Variants in CSMD1 observed in about 807,000 individuals in gnomAD.
CSMD1 encodes CUB and sushi domain-containing protein 1.
CSMD1 carries 213 observed loss-of-function variants against 417.5 expected under a neutral mutation model. The observed-to-expected ratio is 0.51, with a 90% CI of 0.46 to 0.57. The LOEUF (loss-of-function observed/expected upper bound fraction) is 0.57, where lower values mean the gene tolerates loss of function less well. Ranked by LOEUF, CSMD1 falls within the 20% of genes least tolerant of loss-of-function variation. The probability of loss-of-function intolerance (pLI) is 0.00; values close to 1 mark genes in which losing one functional copy is unlikely to be tolerated. For synonymous variants in CSMD1, 2,862 were observed against 1,736.8 expected (o/e 1.65, Z -16.11); for missense variants, 6,923 against 4,529.7 (o/e 1.53, Z -15.17).
chr8:4,917,262 C>G (rs1806127057), intron 1 of CSMD1, among the ~76,000 whole-genome samples: 1 of 152,144 alleles, frequency 6.6e-6, no homozygotes, highest in South Asian at 2.1e-4. Context: ...GGGGATGGTT[C>G]TAAACCATTA....
At chr8:3,443,078 G>A (rs1815092044) in intron 12 of CSMD1, among the ~76,000 whole-genome samples, 1 of 152,038 alleles carries the variant, frequency 6.6e-6, no homozygotes, top group South Asian at 2.1e-4. Flanking sequence ...ATCAAATCAA[G>A]GCCATGGACT....
chr8:3,723,708 G>A (rs1389749167), intron 6 of CSMD1, among the ~76,000 whole-genome samples: 1 of 152,228 alleles, frequency 6.6e-6, no homozygotes, highest in South Asian at 2.1e-4. Context: ...TAACACGTGT[G>A]CTTTTTTACT....
intron 3 of CSMD1, among the ~76,000 whole-genome samples, chr8:4,082,427 C>T (rs368191812): frequency 7.2e-5 from 11 of 152,012 alleles, no homozygotes; most frequent in Admixed American, 7.2e-4. Context: ...TTTAAGAAAT[C>T]TTTTGAAAAT....
intron 15 of CSMD1, among the ~76,000 whole-genome samples, chr8:3,403,836 GAAAACCTACCCATTT>G (rs1225431046): frequency 1.3e-5 from 2 of 152,130 alleles, no homozygotes; most frequent in East Asian, 3.8e-4. Context: ...TATAAAAGAT[GAAAACCTACCCATTT>G]ATTAACATTT....
At chr8:4,419,820 C>A in intron 3 of CSMD1, 133 bp downstream of exon 3, 1 of 592,148 alleles carries the variant, frequency 1.7e-6, no homozygotes. Flanking sequence ...CATTGCATTA[C>A]ACAGAAGCCA....
intron 15 of CSMD1, among the ~76,000 whole-genome samples, chr8:3,401,915 C>A (rs1324812935): frequency 6.6e-6 from 1 of 151,528 alleles, no homozygotes; most frequent in East Asian, 1.9e-4. Flanking sequence ...AGCAAATATA[C>A]CAATGAGCCA....
rs142375775 is a variant in CSMD1, at chr8:4,424,612, T to C, written c.303-4547A>G. On this transcript the variant is annotated intron_variant, in intron 2 of 69. Coordinates refer to ENST00000635120, the MANE Select transcript of CSMD1 (RefSeq NM_033225.6). Reference sequence around the variant, plus strand: ...TTATACTGCTGGTGGAAATATAAAATGGTACAGCCATTTTCTGTAGAAAAC... The same window carrying C: ...TTATACTGCTGGTGGAAATATAAAACGGTACAGCCATTTTCTGTAGAAAAC... Among the ~76,000 whole-genome samples, 525 of 152,138 alleles carry C rather than the reference T, an allele frequency of 3.5e-3. 3 individuals are homozygous for C. The highest frequency in any genetic ancestry group is 0.014 in the Middle Eastern group (4 of 292).
intron 3 of CSMD1, among the ~76,000 whole-genome samples, chr8:4,069,758 C>G (rs1267915231): frequency 2.6e-5 from 4 of 152,162 alleles, no homozygotes; most frequent in Non-Finnish European, 5.9e-5. Flanking sequence ...GTCTACTTCA[C>G]CTTTATCTTC....
intron 1 of CSMD1, among the ~76,000 whole-genome samples, chr8:4,855,563 G>C (rs1051054236): frequency 1.8e-4 from 27 of 152,234 alleles, no homozygotes; most frequent in African/African-American, 6.3e-4. Context: ...ACCAAGAACT[G>C]CTTAAAGGAG....
At chr8:3,266,734 C>A (rs1015998892) in intron 26 of CSMD1, among the ~76,000 whole-genome samples, 1 of 150,248 alleles carries the variant, frequency 6.7e-6, no homozygotes, top group Non-Finnish European at 1.5e-5. Flanking sequence ...GAGATTATAC[C>A]ACTGCACTCC....
intron 8 of CSMD1, among the ~76,000 whole-genome samples, chr8:3,612,157 T>C (rs1801925575): frequency 6.6e-6 from 1 of 152,124 alleles, no homozygotes; most frequent in Admixed American, 6.6e-5. Flanking sequence ...AAAATGGCTA[T>C]GCAAATGTAA....
Position 3,616,810 on chromosome 8 carries a change from G to C in CSMD1, c.1010-13C>G, listed in dbSNP as rs747092224. The C allele has an allele frequency of 1.9e-6, 3 of 1,581,704 alleles. No homozygotes were observed. The highest frequency in any genetic ancestry group is 2.6e-6 in the Non-Finnish European group (3 of 1,154,660). On this transcript the variant is annotated splice_polypyrimidine_tract_variant and intron_variant, in intron 7 of 69. Transcript: ENST00000635120. ...CCTCCTTGGCTCACTGTAATAGACAGAAACATTGTCAAAATGCTGTATAGT... is the reference window on the plus strand; with the variant it reads ...CCTCCTTGGCTCACTGTAATAGACACAAACATTGTCAAAATGCTGTATAGT...
At chr8:2,982,367 A>G (rs982212143) in intron 54 of CSMD1, among the ~76,000 whole-genome samples, 1 of 151,978 alleles carries the variant, frequency 6.6e-6, no homozygotes, top group African/African-American at 2.4e-5. Context: ...AAAAACAAAC[A>G]AACAAACGAA....
intron 10 of CSMD1, among the ~76,000 whole-genome samples, chr8:3,543,016 G>T (rs1438605577): frequency 2.6e-5 from 4 of 152,114 alleles, no homozygotes; most frequent in African/African-American, 9.7e-5. Flanking sequence ...CCACTTCATG[G>T]CACCTGCTGT....
intron 7 of CSMD1, among the ~76,000 whole-genome samples, chr8:3,682,072 T>A (rs916268686): frequency 6.6e-6 from 1 of 152,154 alleles, no homozygotes; most frequent in African/African-American, 2.4e-5. Flanking sequence ...ATGTTAGACC[T>A]AAAATCGTAA....
At chr8:4,878,425 G>T (rs898727987) in intron 1 of CSMD1, among the ~76,000 whole-genome samples, 3 of 151,954 alleles carry the variant, frequency 2.0e-5, no homozygotes, top group African/African-American at 4.8e-5. Context: ...AGTAATATAT[G>T]ATTAAAAATG....
At chr8:3,264,619 C>G (rs1278600613) in intron 26 of CSMD1, among the ~76,000 whole-genome samples, 1 of 152,138 alleles carries the variant, frequency 6.6e-6, no homozygotes, top group Non-Finnish European at 1.5e-5. Context: ...ACGTATAAAT[C>G]GAACTGCTTT....
intron 1 of CSMD1, among the ~76,000 whole-genome samples, chr8:4,728,986 G>A (rs148456999): frequency 3.9e-5 from 6 of 152,156 alleles, no homozygotes; most frequent in African/African-American, 1.4e-4. Context: ...TTAGAGGAGG[G>A]AGACTGTGGT....
At chr8:4,941,519 T>A (rs1365756203) in intron 1 of CSMD1, among the ~76,000 whole-genome samples, 1 of 152,216 alleles carries the variant, frequency 6.6e-6, no homozygotes, top group Non-Finnish European at 1.5e-5. Flanking sequence ...CACATGTAAC[T>A]TGTTGTGTTT....
Sources: allele counts gnomAD v4.1 joint callset (sites outside exome capture counted in the v4.1 genomes callset), GRCh38; gene constraint gnomAD v4.1.1; transcripts MANE v1.5; gene names NCBI Gene and HGNC (gene_info 2026-07-23, HGNC 2026-07-21).